Variants in ATG7 observed in about 807,000 individuals in gnomAD.
The protein encoded by ATG7 is autophagy related 7.
Under a neutral mutation model 82.4 loss-of-function variants are expected in ATG7, and 70 were observed. That is an observed-to-expected ratio of 0.85 (90% CI 0.70 to 1.04). The LOEUF (loss-of-function observed/expected upper bound fraction) is 1.04, where lower values mean the gene tolerates loss of function less well. Ranked by LOEUF, ATG7 falls within the 50% of genes least tolerant of loss-of-function variation. The pLI is 0.00. For missense variants in ATG7, 792 were observed against 864.3 expected, an observed-to-expected ratio of 0.92 and a Z score of 1.05; for synonymous variants, 287 against 313.0, an observed-to-expected ratio of 0.92 and a Z score of 0.88.
chr3:11,510,165 A>G (rs955367954), intron 20 of ATG7: 8 of 455,108 alleles, frequency 1.8e-5, no homozygotes, highest in African/African-American at 6.0e-5. Flanking sequence ...CTGAAATCAT[A>G]TATCTTTACC....
chr3:11,538,878 AAAAAAG>A (rs933325466), intron 20 of ATG7, among the ~76,000 whole-genome samples: 8 of 151,040 alleles, frequency 5.3e-5, no homozygotes, highest in Non-Finnish European at 7.4e-5. Flanking sequence ...TTGTCTCAAA[AAAAAAG>A]AAAAAGAAAA....
rs1404291889 is a variant in ATG7 at position 11,489,783 on chromosome 3, G to A, written c.2079+62857G>A. On this transcript the variant is annotated intron_variant, in intron 20 of 20. Coordinates refer to ENST00000693202, the MANE Select transcript of ATG7 (RefSeq NM_001349232.2). Reference sequence around the variant, plus strand: ...TTGTTCAGTTTCCATGTAGTTGAGCGGTTTTGAGTGAGTTTCTTAATCCTG... The same window carrying A: ...TTGTTCAGTTTCCATGTAGTTGAGCAGTTTTGAGTGAGTTTCTTAATCCTG... Among the ~76,000 whole-genome samples, 29 of 151,308 alleles carry A rather than the reference G, an allele frequency of 1.9e-4. No individual in the cohort carries two copies. The East Asian group carries it at 4.5e-3, about 23-fold the overall frequency.
rs527481621 is a variant in ATG7, at chr3:11,397,756, G to A, written c.1956+17704G>A. Among the ~76,000 whole-genome samples the A allele has an allele frequency of 2.3e-4, 23 of 97,894 alleles. No homozygotes were observed. In the South Asian group the frequency reaches 8.3e-3, roughly 35 times the overall value. The allele number at this position is 97,894 out of a possible 152,430, so 64.2% of individuals were successfully genotyped here. A position where few individuals can be genotyped will look rare whatever the true frequency, so the allele number is the denominator to read the frequency against. ...ACAGGCGTGCACCCACGCCCAGCCC[G>A]GAAATAAATGATTTATAATCACAAG... is the stretch of plus-strand genomic sequence containing the variant. On this transcript the variant is annotated intron_variant, in intron 19 of 20. Coordinates refer to ENST00000693202, the MANE Select transcript of ATG7 (RefSeq NM_001349232.2).
At chr3:11,370,374 T>C (rs1306370967) in intron 18 of ATG7, among the ~76,000 whole-genome samples, 5 of 151,104 alleles carry the variant, frequency 3.3e-5, no homozygotes, top group African/African-American at 9.8e-5. Context: ...TGGTGGGAGC[T>C]GAAGCTCTTA....
chr3:11,500,372 G>A (rs888775159), intron 20 of ATG7, among the ~76,000 whole-genome samples: 2 of 151,794 alleles, frequency 1.3e-5, no homozygotes, highest in African/African-American at 2.4e-5. Flanking sequence ...TGATCATATC[G>A]AGTAGGACAC....
At chr3:11,306,054 C>T (rs1341431908) in intron 5 of ATG7, among the ~76,000 whole-genome samples, 1 of 152,178 alleles carries the variant, frequency 6.6e-6, no homozygotes, top group Non-Finnish European at 1.5e-5. Flanking sequence ...CAGATTTGTC[C>T]ACATCTGAAT....
intron 20 of ATG7, among the ~76,000 whole-genome samples, chr3:11,472,512 C>T (rs75989564): frequency 5.3e-4 from 80 of 152,256 alleles, no homozygotes; most frequent in African/African-American, 1.9e-3. Flanking sequence ...AATAGTCCCA[C>T]CTAAGTCACA....
the ATG7 span, among the ~76,000 whole-genome samples, chr3:11,566,116 AG>A: frequency 2.0e-4 from 30 of 152,358 alleles, no homozygotes; most frequent in African/African-American, 7.0e-4. Context: ...CAGCAGCCAC[AG>A]CCCCCGTCCC....
In ATG7 at chr3:11,554,928, C is replaced by G. The variant is rs1046593; in HGVS notation, c.*85C>G. The G allele has an allele frequency of 3.3e-6, 5 of 1,508,530 alleles. No homozygotes were observed. In the Middle Eastern group the frequency reaches 5.2e-4, roughly 156 times the overall value. The allele number at this position is 1,508,530 out of a possible 1,614,324, so 93.4% of individuals were successfully genotyped here. ...CAGAGCAGGACTGCTGACCCCAGGC[C>G]TGGTGATTCTGGGCCCCTCCTCCAT... On this transcript the variant is annotated 3_prime_UTR_variant, in exon 21 of 21. Transcript: ENST00000693202.
At chr3:11,573,352 A>G in the ATG7 span, among the ~76,000 whole-genome samples, 269 of 94,620 alleles carry the variant, frequency 2.8e-3, 5 homozygotes, top group East Asian at 0.02. Context: ...AGAAAGAAAG[A>G]AAGAAAGAAA....
chr3:11,459,020 A>AC (rs1234160194), intron 20 of ATG7, among the ~76,000 whole-genome samples: 11 of 150,910 alleles, frequency 7.3e-5, no homozygotes, highest in Admixed American at 1.3e-4. Flanking sequence ...TTCATTCATC[A>AC]CCCCCCCATC....
At chr3:11,500,545 A>G (rs562777634) in intron 20 of ATG7, among the ~76,000 whole-genome samples, 1 of 152,348 alleles carries the variant, frequency 6.6e-6, no homozygotes, top group South Asian at 2.1e-4. Context: ...AGAAAATCAA[A>G]ACCAAAATTC....
intron 5 of ATG7, among the ~76,000 whole-genome samples, chr3:11,300,035 G>A (rs141655207): frequency 9.4e-4 from 142 of 151,264 alleles, no homozygotes; most frequent in Non-Finnish European, 1.5e-3. Context: ...AGCTTTTCTC[G>A]TGCCTTAGCC....
intron 3 of ATG7, among the ~76,000 whole-genome samples, chr3:11,297,202 A>G (rs752751444): frequency 2.6e-5 from 4 of 152,162 alleles, no homozygotes; most frequent in Non-Finnish European, 4.4e-5. Context: ...CTGAAAATAC[A>G]GAAAAATTAG....
At chr3:11,511,522 C>A (rs1019305423) in intron 20 of ATG7, among the ~76,000 whole-genome samples, 1 of 152,202 alleles carries the variant, frequency 6.6e-6, no homozygotes, top group African/African-American at 2.4e-5. Flanking sequence ...CTCAGGAGCC[C>A]AGCTGGCTTC....
intron 15 of ATG7, among the ~76,000 whole-genome samples, chr3:11,360,343 G>C (rs952555483): frequency 6.6e-6 from 1 of 151,984 alleles, no homozygotes; most frequent in Non-Finnish European, 1.5e-5. Flanking sequence ...CACTATACCT[G>C]GTCTGTTATG....
At chr3:11,421,341 T>G (rs2081928933) in intron 19 of ATG7, among the ~76,000 whole-genome samples, 1 of 152,232 alleles carries the variant, frequency 6.6e-6, no homozygotes, top group African/African-American at 2.4e-5. Context: ...TCCTCTCAAA[T>G]GCTGCTGCCA....
chr3:11,506,962 C>A (rs984443945), intron 20 of ATG7, among the ~76,000 whole-genome samples: 1 of 152,064 alleles, frequency 6.6e-6, no homozygotes, highest in Non-Finnish European at 1.5e-5. Flanking sequence ...GGCTAGGGAC[C>A]ACTTCACAGA....
chr3:11,537,970 C>T (rs574932055), intron 20 of ATG7, among the ~76,000 whole-genome samples: 7 of 146,814 alleles, frequency 4.8e-5, no homozygotes, highest in Admixed American at 2.0e-4. Context: ...GGTACCTGGC[C>T]GAGATCTGGC....
Sources: gnomAD v4.1 joint callset for allele counts (sites outside exome capture counted in the v4.1 genomes callset) on GRCh38, gnomAD v4.1.1 for gene constraint, MANE v1.5 for transcripts, NCBI Gene and HGNC (gene_info 2026-07-23, HGNC 2026-07-21) for gene names.